The following GMDS variants were observed in gnomAD, a reference collection of about 807,000 sequenced individuals.
The protein encoded by GMDS is GDP-mannose 4,6-dehydratase, also known as GDP-mannose 4,6 dehydratase.
GMDS carries 20 observed loss-of-function variants against 49.9 expected under a neutral mutation model. That is an observed-to-expected ratio of 0.40 (90% CI 0.28 to 0.58). The LOEUF (loss-of-function observed/expected upper bound fraction) is 0.58, where lower values mean the gene tolerates loss of function less well. Ranked by LOEUF, GMDS falls within the 20% of genes least tolerant of loss-of-function variation. The pLI is 0.42. For synonymous variants in GMDS, 177 were observed against 178.6 expected, an observed-to-expected ratio of 0.99 and a Z score of 0.07; for missense variants, 362 against 481.4, an observed-to-expected ratio of 0.75 and a Z score of 2.32.
intron 7 of GMDS, among the ~76,000 whole-genome samples, chr6:1,898,442 T>A (rs1980713): frequency 0.33 from 50,714 of 152,050 alleles, 8,446 homozygotes; most frequent in African/African-American, 0.38. Context: ...ACAAGTGATG[T>A]GATTACAGTC....
At chr6:2,100,710 A>T (rs999872367) in intron 4 of GMDS, among the ~76,000 whole-genome samples, 1 of 152,016 alleles carries the variant, frequency 6.6e-6, no homozygotes, top group Non-Finnish European at 1.5e-5. Flanking sequence ...TCATAGAGCT[A>T]ATGTTAAAAA....
chr6:2,005,682 C>T (rs1321151594), intron 4 of GMDS, among the ~76,000 whole-genome samples: 2 of 152,138 alleles, frequency 1.3e-5, no homozygotes, highest in South Asian at 2.1e-4. Flanking sequence ...CCAGTGTGTT[C>T]GACCTCAAAG....
intron 7 of GMDS, among the ~76,000 whole-genome samples, chr6:1,895,489 AC>A (rs1760115580): frequency 1.3e-5 from 2 of 152,264 alleles, no homozygotes; most frequent in African/African-American, 4.8e-5. Flanking sequence ...TTAAAATGAT[AC>A]AATTAAAAAC....
rs1774919283 is a variant in GMDS, at chr6:2,117,647, T to A, written c.148-91A>T. 11 of 755,890 alleles carry A rather than the reference T, an allele frequency of 1.5e-5. No individual in the cohort carries two copies. In the South Asian group the frequency reaches 1.5e-4, roughly 10 times the overall value. The allele number at this position is 755,890 out of a possible 1,614,324, so 46.8% of individuals were successfully genotyped here. On this transcript the variant is annotated intron_variant, in intron 2 of 10. Coordinates refer to ENST00000380815, the MANE Select transcript of GMDS (RefSeq NM_001500.4). ...TGTTTAGCTTTATGAAAAAAATGAT[T>A]TGTAAGCATTATTTTAAATTATTAG... is the stretch of plus-strand genomic sequence containing the variant.
chr6:2,146,926 G>C (rs889070032), intron 1 of GMDS, among the ~76,000 whole-genome samples: 5 of 152,154 alleles, frequency 3.3e-5, no homozygotes, highest in African/African-American at 1.2e-4. Context: ...AGATGGAAAG[G>C]AACTTACTTA....
At chr6:1,699,111 A>G (rs974226966) in intron 9 of GMDS, among the ~76,000 whole-genome samples, 27 of 152,118 alleles carry the variant, frequency 1.8e-4, no homozygotes, top group African/African-American at 5.8e-4. Context: ...ACATGCCTAC[A>G]CTGTGTGGAG....
At chr6:1,951,542 C>T (rs1763342235) in intron 6 of GMDS, among the ~76,000 whole-genome samples, 1 of 152,080 alleles carries the variant, frequency 6.6e-6, no homozygotes, top group Admixed American at 6.5e-5. Flanking sequence ...CTTCCCATTG[C>T]CACATGATTT....
chr6:1,905,599 G>A (rs1322388012), intron 7 of GMDS, among the ~76,000 whole-genome samples: 1 of 129,430 alleles, frequency 7.7e-6, no homozygotes, highest in Non-Finnish European at 1.6e-5. Context: ...GGGTGTTGGT[G>A]TGTAGGTGGG....
intron 9 of GMDS, among the ~76,000 whole-genome samples, chr6:1,626,403 A>G (rs1219791794): frequency 6.6e-6 from 1 of 152,236 alleles, no homozygotes; most frequent in Admixed American, 6.5e-5. Context: ...GCAATTTAAC[A>G]TAGCGCTACA....
chr6:2,048,475 T>TCC (rs1239875975), intron 4 of GMDS, among the ~76,000 whole-genome samples: 51 of 152,224 alleles, frequency 3.4e-4, no homozygotes, highest in Admixed American at 3.3e-3. Context: ...GAGCAGTTCT[T>TCC]CCCCCATGCT....
intron 7 of GMDS, among the ~76,000 whole-genome samples, chr6:1,852,693 G>A (rs1757735033): frequency 6.6e-6 from 1 of 151,632 alleles, no homozygotes; most frequent in South Asian, 2.1e-4. Context: ...GTGGAAGGAC[G>A]GTGGGACGTG....
At chr6:2,175,038 T>C (rs955725452) in intron 1 of GMDS, among the ~76,000 whole-genome samples, 2 of 152,118 alleles carry the variant, frequency 1.3e-5, no homozygotes, top group Non-Finnish European at 2.9e-5. Flanking sequence ...AGAGGAACTA[T>C]CTCATCATCT....
intron 4 of GMDS, among the ~76,000 whole-genome samples, chr6:2,086,134 C>A (rs1050393917): frequency 1.3e-5 from 2 of 152,124 alleles, no homozygotes; most frequent in African/African-American, 2.4e-5. Flanking sequence ...CAAAAACACA[C>A]CTGATTTTCT....
At chr6:2,052,321 GGTA>G (rs1770468565) in intron 4 of GMDS, among the ~76,000 whole-genome samples, 2 of 151,786 alleles carry the variant, frequency 1.3e-5, no homozygotes, top group African/African-American at 4.8e-5. Context: ...TTTCTTTACC[GGTA>G]GTAGTACTTT....
Position 1,737,945 on chromosome 6 carries a change from TAC to T in GMDS, c.890+4521_890+4522del, listed in dbSNP as rs774990730. Among the ~76,000 whole-genome samples the T allele has an allele frequency of 6.7e-3, 728 of 109,302 alleles. 6 individuals are homozygous for T. Among genetic ancestry groups the T allele is most frequent in the African/African-American group, 0.026 (686 of 26,684 alleles). 71.7% of individuals were successfully genotyped at this position (109,302 alleles called of 152,430 possible). On this transcript the variant is annotated intron_variant, in intron 8 of 10. Transcript: ENST00000380815. ...CAGATACATACACACCACACACACA[TAC>T]ACAGATACACACATACATACACACA...
chr6:1,798,662 G>A (rs376701493), intron 7 of GMDS, among the ~76,000 whole-genome samples: 17 of 152,320 alleles, frequency 1.1e-4, no homozygotes, highest in Middle Eastern at 3.4e-3. Context: ...TTCTCTTGGC[G>A]TATTACTTGT....
At chr6:2,111,004 T>A (rs955598086) in intron 4 of GMDS, among the ~76,000 whole-genome samples, 6 of 152,226 alleles carry the variant, frequency 3.9e-5, no homozygotes, top group East Asian at 1.9e-4. Context: ...AATTCCAACA[T>A]GGCATTGTGA....
intron 1 of GMDS, among the ~76,000 whole-genome samples, chr6:2,145,020 C>T (rs2127532072): frequency 6.6e-6 from 1 of 152,336 alleles, no homozygotes; most frequent in Admixed American, 6.5e-5. Context: ...CAGTTGGCTG[C>T]TGTGCCTTGA....
intron 1 of GMDS, among the ~76,000 whole-genome samples, chr6:2,142,938 C>G (rs1348903608): frequency 6.6e-6 from 1 of 152,126 alleles, no homozygotes; most frequent in Non-Finnish European, 1.5e-5. Flanking sequence ...CTGCCCCTGT[C>G]CCTCACACAC....
Sources: allele counts gnomAD v4.1 joint callset (sites outside exome capture counted in the v4.1 genomes callset), GRCh38; gene constraint gnomAD v4.1.1; transcripts MANE v1.5; gene names NCBI Gene and HGNC (gene_info 2026-07-23, HGNC 2026-07-21).